ADCY8: variants seen among roughly 807,000 people sequenced by gnomAD.
ADCY8 encodes adenylate cyclase 8.
Under a neutral mutation model 119.7 loss-of-function variants are expected in ADCY8, and 51 were observed. The observed-to-expected ratio is 0.43, with a 90% CI of 0.34 to 0.54. The LOEUF (loss-of-function observed/expected upper bound fraction) is 0.54. ADCY8 is among the 20% of genes least tolerant of loss of function. The pLI, the probability that ADCY8 is intolerant of heterozygous loss-of-function variation, is 0.03. For missense variants in ADCY8, 1,383 were observed against 1,598.8 expected (o/e 0.87, Z 2.30); for synonymous variants, 665 against 651.0 (o/e 1.02, Z -0.33).
At chr8:130,869,526 G>GTTTTTTTTTTTTTTGTTTTTTGT (rs1275593013) in intron 8 of ADCY8, among the ~76,000 whole-genome samples, 4 of 114,602 alleles carry the variant, frequency 3.5e-5, no homozygotes, top group African/African-American at 1.3e-4. Flanking sequence ...TTGTTTTTTT[G>GTTTTTTTTTTTTTTGTTTTTTGT]TTTTTTTTTG....
chr8:130,878,704 AGTTT>A (rs1818655366), intron 8 of ADCY8, among the ~76,000 whole-genome samples: 1 of 152,228 alleles, frequency 6.6e-6, no homozygotes, highest in African/African-American at 2.4e-5. Context: ...ATGATTCTTA[AGTTT>A]GAAAACTATT....
At position 131,040,088 on chromosome 8, in the gene ADCY8, C is replaced by A; in HGVS notation, c.246G>T (p.Gln82His). 6.5e-7 allele frequency: 1 copy of A among 1,531,434 alleles called. No homozygotes were observed. Among genetic ancestry groups the A allele is most frequent in the South Asian group, 1.2e-5 (1 of 82,704 alleles). 94.9% of individuals were successfully genotyped at this position (1,531,434 alleles called of 1,614,324 possible). A position where few individuals can be genotyped will look rare whatever the true frequency, so the allele number is the denominator to read the frequency against. The change falls in exon 1 of 18, where the codon CAG becomes CAT. Residue 82 changes from glutamine (Q) to histidine (H), a missense_variant. This residue lies in a region of ADCY8 where 455 missense variants were observed against 435.3 expected (regional missense o/e 1.05). Coordinates refer to ENST00000286355, the MANE Select transcript of ADCY8 (RefSeq NM_001115.3). ...GGGGCAGCGCCGAGTCGCCTGACAG[C>A]TGCGGCGCGTGGTGGTTGGGGCCGC... is the stretch of plus-strand genomic sequence containing the variant. ...AGGGPNHHAP[Q>H]LSGDSALPLY...
chr8:131,039,763 G>A lies in ADCY8; in HGVS notation c.571C>T (p.Leu191=). Residue 191 remains leucine (L), a synonymous_variant, in exon 1 of 18, where the codon CTG becomes TTG. Coordinates refer to ENST00000286355, the MANE Select transcript of ADCY8 (RefSeq NM_001115.3). The stretch of plus-strand genomic sequence containing the variant: ...AGGACCAAGAGAGTGAGTTTGGTCA[G>A]CACGTCCAGCACGTTCATCACCACT... ...SEVVMNVLDV[L]TKLTLLVLHL... The A allele has an allele frequency of 1.2e-6, 2 of 1,614,166 alleles. No individual in the cohort carries two copies. The highest frequency in any genetic ancestry group is 1.7e-6 in the Non-Finnish European group (2 of 1,180,032).
chr8:131,034,860 T>C (rs1478961767), intron 1 of ADCY8, among the ~76,000 whole-genome samples: 5 of 152,162 alleles, frequency 3.3e-5, no homozygotes, highest in Admixed American at 3.3e-4. Flanking sequence ...TTCCAGTAAC[T>C]AAATGATTTC....
chr8:130,863,185 C>A (rs1054820162), intron 9 of ADCY8, among the ~76,000 whole-genome samples: 4 of 125,244 alleles, frequency 3.2e-5, no homozygotes, highest in Non-Finnish European at 7.3e-5. Flanking sequence ...ATTGCTCGTT[C>A]TTCTTAGAGA....
At chr8:130,902,308 T>C (rs1483740965) in intron 7 of ADCY8, among the ~76,000 whole-genome samples, 1 of 152,098 alleles carries the variant, frequency 6.6e-6, no homozygotes, top group Non-Finnish European at 1.5e-5. Context: ...CTCCAGGAAG[T>C]ATATAACACC....
chr8:130,812,919 A>G (rs1436744152), intron 14 of ADCY8, among the ~76,000 whole-genome samples: 1 of 151,850 alleles, frequency 6.6e-6, no homozygotes, highest in Admixed American at 6.6e-5. Flanking sequence ...TTGTGGTAAA[A>G]TGCATATAAT....
At position 130,800,032 on chromosome 8, in the gene ADCY8, C is replaced by G. The variant is rs558006282; in HGVS notation, c.3060+394G>C. Among the ~76,000 whole-genome samples, 15 of 152,310 alleles carry G rather than the reference C, an allele frequency of 9.8e-5. No individual in the cohort carries two copies. In the South Asian group the frequency reaches 2.7e-3, roughly 27 times the overall value. ...TTGCAATTAGTTCTCTGACCAAATGCAAATGGACAGTTTTATCTTTGACAC... is the reference window on the plus strand; with the variant it reads ...TTGCAATTAGTTCTCTGACCAAATGGAAATGGACAGTTTTATCTTTGACAC... On this transcript the variant is annotated intron_variant, in intron 15 of 17. Transcript: ENST00000286355.
intron 1 of ADCY8, among the ~76,000 whole-genome samples, chr8:131,006,485 CAAT>C (rs1425762336): frequency 6.6e-6 from 1 of 152,098 alleles, no homozygotes; most frequent in African/African-American, 2.4e-5. Flanking sequence ...TTTACTCTGG[CAAT>C]GATGAGATTT....
chr8:130,852,342 A>G (rs1471044182), intron 9 of ADCY8, among the ~76,000 whole-genome samples: 1 of 152,164 alleles, frequency 6.6e-6, no homozygotes, highest in Non-Finnish European at 1.5e-5. Flanking sequence ...ATAAGAACAG[A>G]AGGTTGGTGC....
intron 1 of ADCY8, among the ~76,000 whole-genome samples, chr8:131,024,323 G>T (rs551770432): frequency 6.6e-6 from 1 of 152,254 alleles, no homozygotes; most frequent in Non-Finnish European, 1.5e-5. Context: ...GCTGTATATT[G>T]GTTCAAAATG....
intron 1 of ADCY8, among the ~76,000 whole-genome samples, chr8:130,997,404 C>T (rs2130755263): frequency 6.6e-6 from 1 of 152,096 alleles, no homozygotes; most frequent in South Asian, 2.1e-4. Context: ...CCTAAGGTGT[C>T]AAGATCTACA....
intron 5 of ADCY8, among the ~76,000 whole-genome samples, chr8:130,919,528 T>C (rs1361752428): frequency 6.6e-6 from 1 of 152,188 alleles, no homozygotes; most frequent in African/African-American, 2.4e-5. Context: ...AACAACTGTC[T>C]CTTTGGGAAG....
intron 3 of ADCY8, among the ~76,000 whole-genome samples, chr8:130,950,099 T>C (rs1660110358): frequency 6.6e-6 from 1 of 152,224 alleles, no homozygotes; most frequent in African/African-American, 2.4e-5. Flanking sequence ...AAAATTGTCC[T>C]CTATCCTGCT....
intron 3 of ADCY8, among the ~76,000 whole-genome samples, chr8:130,951,229 A>G (rs994557372): frequency 6.6e-6 from 1 of 152,238 alleles, no homozygotes; most frequent in Admixed American, 6.5e-5. Flanking sequence ...ATTTCCCAAG[A>G]TCACAAACAA....
intron 7 of ADCY8, among the ~76,000 whole-genome samples, chr8:130,885,537 C>G (rs1281791795): frequency 6.6e-6 from 1 of 151,934 alleles, no homozygotes; most frequent in Non-Finnish European, 1.5e-5. Flanking sequence ...GAAGACACAC[C>G]AGGTTTGGCA....
chr8:131,012,513 T>C (rs1158761706), intron 1 of ADCY8, among the ~76,000 whole-genome samples: 1 of 152,174 alleles, frequency 6.6e-6, no homozygotes, highest in African/African-American at 2.4e-5. Context: ...TATGAAGAAG[T>C]GGATCCTAGA....
intron 12 of ADCY8, among the ~76,000 whole-genome samples, chr8:130,824,008 C>T (rs377752932): frequency 5.3e-5 from 8 of 152,088 alleles, no homozygotes; most frequent in Non-Finnish European, 1.2e-4. Flanking sequence ...TCCCTTGAAG[C>T]CTTTTATTTT....
intron 2 of ADCY8, among the ~76,000 whole-genome samples, chr8:130,974,734 A>G (rs1822020041): frequency 6.6e-6 from 1 of 152,204 alleles, no homozygotes; most frequent in Non-Finnish European, 1.5e-5. Context: ...GCAGCTCTGG[A>G]TGTTGCTTGA....
Sources: allele counts gnomAD v4.1 joint callset (sites outside exome capture counted in the v4.1 genomes callset), GRCh38; gene constraint gnomAD v4.1.1; regional missense constraint gnomAD v4.1.1; transcripts MANE v1.5; gene names NCBI Gene and HGNC (gene_info 2026-07-23, HGNC 2026-07-21).